EVC: variants seen among roughly 807,000 people sequenced by gnomAD.
EVC encodes evC complex member EVC.
Under a neutral mutation model 118.9 loss-of-function variants are expected in EVC, and 116 were observed. That is an observed-to-expected ratio of 0.98 (90% CI 0.84 to 1.14). EVC has a LOEUF of 1.14. Ranked by LOEUF, EVC falls within the 50% of genes most tolerant of loss-of-function variation. The pLI, the probability that EVC is intolerant of heterozygous loss-of-function variation, is 0.00. For synonymous variants in EVC, 619 were observed against 534.7 expected (o/e 1.16, Z -2.18); for missense variants, 1,401 against 1,246.4 (o/e 1.12, Z -1.87).
At chr4:5,774,335 TG>T (rs2152238433) in intron 11 of EVC, among the ~76,000 whole-genome samples, 1 of 152,014 alleles carries the variant, frequency 6.6e-6, no homozygotes, top group South Asian at 2.1e-4. Flanking sequence ...ACAATAGCAG[TG>T]GATAACACTT....
chr4:5,745,451 T>A, intron 7 of EVC, 110 bp downstream of exon 7: 1 of 1,168,822 alleles, frequency 8.6e-7, no homozygotes, highest in South Asian at 1.3e-5. Context: ...TGAATTCCCC[T>A]ATCGCATTCT....
chr4:5,815,008 T>G (rs1267997105), downstream of EVC, among the ~76,000 whole-genome samples: 1 of 152,144 alleles, frequency 6.6e-6, no homozygotes, highest in Non-Finnish European at 1.5e-5. Context: ...GAGACCCACA[T>G]AAACAATCCC....
At chr4:5,780,567 A>G (rs1735437219) in intron 11 of EVC, among the ~76,000 whole-genome samples, 2 of 152,218 alleles carry the variant, frequency 1.3e-5, no homozygotes, top group South Asian at 4.1e-4. Context: ...ATTCTTAACA[A>G]TTATATTTAT....
chr4:5,825,537 G>C, the EVC span: 5 of 1,592,936 alleles, frequency 3.1e-6, no homozygotes, highest in Admixed American at 7.3e-5. The surrounding 1 kb of genome is among the most constrained non-coding windows in gnomAD (Gnocchi z 4.4). Context: ...TGATGGGTGG[G>C]GGCTGGTGTT....
intron 5 of EVC, among the ~76,000 whole-genome samples, chr4:5,740,470 CAAAAAA>C (rs59318619): frequency 9.5e-6 from 1 of 105,578 alleles, no homozygotes. Context: ...TACTCCATCT[CAAAAAA>C]AAAAAAAAAA....
intron 12 of EVC, 74 bp from the exon 13 acceptor site, chr4:5,793,534 T>C: frequency 7.9e-7 from 1 of 1,272,744 alleles, no homozygotes; most frequent in Non-Finnish European, 1.1e-6. Context: ...AGAAACAAAA[T>C]GCACAATCCT....
chr4:5,805,845 CT>C (rs1214555584), intron 17 of EVC, among the ~76,000 whole-genome samples: 1 of 151,068 alleles, frequency 6.6e-6, no homozygotes, highest in Non-Finnish European at 1.5e-5. Flanking sequence ...TGTTGATGCC[CT>C]TCCCTCCCTG....
At chr4:5,808,587 C>G (rs1716390508) in intron 18 of EVC, among the ~76,000 whole-genome samples, 1 of 152,182 alleles carries the variant, frequency 6.6e-6, no homozygotes. Context: ...AGCAGCTGGT[C>G]AGGCCTCATC....
At chr4:5,764,670 AT>A (rs1191420635) in intron 11 of EVC, among the ~76,000 whole-genome samples, 3 of 142,844 alleles carry the variant, frequency 2.1e-5, no homozygotes, top group Non-Finnish European at 4.7e-5. Context: ...TTTCTTCTAG[AT>A]TTTCTAGTTT....
chr4:5,796,703 A>G (rs1714031493), intron 13 of EVC, among the ~76,000 whole-genome samples: 1 of 151,988 alleles, frequency 6.6e-6, no homozygotes, highest in Non-Finnish European at 1.5e-5. Flanking sequence ...GAACTCAAAA[A>G]TGGCTCAAGA....
Position 5,748,241 on chromosome 4 carries a change from ACT to A in EVC, c.1036_1037del (p.Leu346AspfsTer37), listed in dbSNP as rs767913372. The A allele has an allele frequency of 1.6e-5, 26 of 1,614,066 alleles. No individual in the cohort carries two copies. Among genetic ancestry groups the A allele is most frequent in the Non-Finnish European group, 2.1e-5 (25 of 1,180,020 alleles). On this transcript the variant is annotated frameshift_variant, in exon 8 of 21. Coordinates refer to ENST00000264956, the MANE Select transcript of EVC (RefSeq NM_153717.3). LOFTEE classifies it high-confidence loss of function. ...CTCCAAAGCCCGACAGCTGATGATG[ACT>A]CTGACGGAAAGAATGATTGCAGCCG... The part of the protein sequence containing the change: ...SSSKARQLMM[T>X]LTERMIAAEG...
At chr4:5,825,889 AT>A in the EVC span, 1 of 513,786 alleles carries the variant, frequency 1.9e-6, no homozygotes, top group Non-Finnish European at 3.5e-6. The surrounding 1 kb of genome is among the most constrained non-coding windows in gnomAD (Gnocchi z 4.4). Context: ...ACCCACATGC[AT>A]ACACATACAG....
At chr4:5,827,623 CACACACACACTCCA>C in the EVC span, among the ~76,000 whole-genome samples, 1 of 144,444 alleles carries the variant, frequency 6.9e-6, no homozygotes, top group Non-Finnish European at 1.6e-5. Flanking sequence ...CACACGCGCA[CACACACACACTCCA>C]ACACACGCAC....
At chr4:5,820,485 T>C in the EVC span, among the ~76,000 whole-genome samples, 1 of 152,072 alleles carries the variant, frequency 6.6e-6, no homozygotes, top group African/African-American at 2.4e-5. Context: ...ATCCATACAA[T>C]ACAAGAAGAA....
the EVC span, among the ~76,000 whole-genome samples, chr4:5,819,426 C>G: frequency 2.0e-5 from 3 of 152,210 alleles, no homozygotes; most frequent in African/African-American, 7.2e-5. Flanking sequence ...AGGAGTGTTG[C>G]AGCTCAGTCT....
rs1729209770 is a variant in EVC, at chr4:5,745,356, T to G, written c.939+15T>G. The G allele has an allele frequency of 6.2e-7, 1 of 1,610,916 alleles. No homozygotes were observed. The highest frequency in any genetic ancestry group is 8.5e-7 in the Non-Finnish European group (1 of 1,179,188). On this transcript the variant is annotated intron_variant, in intron 7 of 20. Transcript: ENST00000264956. The stretch of plus-strand genomic sequence containing the variant: ...TAATCGATAATGTGCGTGCCAGACT[T>G]TCTTTCCTGTACACAAATTTTGGTT...
rs2151903899 is a variant in EVC, at chr4:5,726,991, T to A, written c.301-2316T>A. 2.6e-5 allele frequency among the ~76,000 whole-genome samples: 4 copies of A among 152,270 alleles called. No individual in the cohort carries two copies. The East Asian group carries it at 7.7e-4, about 29-fold the overall frequency. On this transcript the variant is annotated intron_variant, in intron 2 of 20. Coordinates refer to ENST00000264956, the MANE Select transcript of EVC (RefSeq NM_153717.3). ...TATCATTGTTGGACATTTGGGTTGG[T>A]TCCAAGTCTTTGCTATTGTGAATAG...
intron 6 of EVC, 100 bp from the exon 7 acceptor site, chr4:5,745,104 T>C (rs1729154544): frequency 8.3e-7 from 1 of 1,202,954 alleles, no homozygotes; most frequent in Admixed American, 2.2e-5. Context: ...AAAAATATTT[T>C]GTGAAATTTG....
the EVC span, chr4:5,825,565 G>T: frequency 6.3e-7 from 1 of 1,599,584 alleles, no homozygotes; most frequent in Non-Finnish European, 8.5e-7. The surrounding 1 kb of genome is among the most constrained non-coding windows in gnomAD (Gnocchi z 4.4). Context: ...CGAAGATTTG[G>T]CTGAAGGAGC....
Sources: allele counts gnomAD v4.1 joint callset (sites outside exome capture counted in the v4.1 genomes callset), GRCh38; gene constraint gnomAD v4.1.1; non-coding constraint Gnocchi (gnomAD v3.1); transcripts MANE v1.5; gene names NCBI Gene and HGNC (gene_info 2026-07-23, HGNC 2026-07-21).